The following MOXD1 variants were observed in gnomAD, a reference collection of about 807,000 sequenced individuals.
MOXD1 encodes the protein monooxygenase DBH like 1, also known as DBH-like monooxygenase protein 1.
A neutral mutation model predicts 66.6 loss-of-function variants in MOXD1; 62 were observed. The observed-to-expected ratio is 0.93, with a 90% CI of 0.76 to 1.15. MOXD1 has a LOEUF of 1.15. Among genes scored for constraint, MOXD1 ranks in the 50% most tolerant of loss-of-function variants. The probability of loss-of-function intolerance (pLI) is 0.00; values close to 1 mark genes in which losing one functional copy is unlikely to be tolerated. For synonymous variants in MOXD1, 303 were observed against 281.9 expected (o/e 1.07, Z -0.75); for missense variants, 847 against 754.6 (o/e 1.12, Z -1.44).
chr6:132,298,986 A>G (rs1415241098), intron 10 of MOXD1, among the ~76,000 whole-genome samples: 2 of 152,206 alleles, frequency 1.3e-5, no homozygotes, highest in Non-Finnish European at 1.5e-5. Context: ...TGTTCATCAT[A>G]GCACTATTCA....
intron 4 of MOXD1, among the ~76,000 whole-genome samples, chr6:132,340,535 T>C (rs558514790): frequency 6.7e-6 from 1 of 150,320 alleles, no homozygotes; most frequent in African/African-American, 2.4e-5. Context: ...AAACAAAGCA[T>C]TCCCAAAATA....
intron 9 of MOXD1, among the ~76,000 whole-genome samples, chr6:132,319,189 C>T (rs1775022257): frequency 6.6e-6 from 1 of 151,950 alleles, no homozygotes; most frequent in Admixed American, 6.6e-5. Flanking sequence ...AAAGCTAAAA[C>T]AGCAAAATGT....
At chr6:132,383,785 G>C (rs1237312686) in intron 1 of MOXD1, among the ~76,000 whole-genome samples, 1 of 152,162 alleles carries the variant, frequency 6.6e-6, no homozygotes, top group Non-Finnish European at 1.5e-5. Flanking sequence ...AAATTTGGAT[G>C]ATGGCTGGGT....
intron 4 of MOXD1, among the ~76,000 whole-genome samples, chr6:132,335,903 T>A (rs1775425819): frequency 6.6e-6 from 1 of 152,216 alleles, no homozygotes; most frequent in Non-Finnish European, 1.5e-5. Flanking sequence ...TATTTATAGC[T>A]AAATATATGT....
intron 1 of MOXD1, among the ~76,000 whole-genome samples, chr6:132,399,572 T>C (rs1051865485): frequency 1.3e-5 from 2 of 152,244 alleles, no homozygotes; most frequent in African/African-American, 4.8e-5. Flanking sequence ...TGAATCAGAA[T>C]TCTACTCACG....
Position 132,315,892 on chromosome 6 carries a change from A to T in MOXD1, c.1366-115T>A, listed in dbSNP as rs1045896703. On this transcript the variant is annotated intron_variant, in intron 9 of 11. Coordinates refer to ENST00000367963, the MANE Select transcript of MOXD1 (RefSeq NM_015529.4). ...CCAATATTAAAATTTAATACATCTTAAAGCTGAAAAGTTAAAAAACTGGCT... is the reference window on the plus strand; with the variant it reads ...CCAATATTAAAATTTAATACATCTTTAAGCTGAAAAGTTAAAAAACTGGCT... 68 of 1,076,736 alleles carry T rather than the reference A, an allele frequency of 6.3e-5. No individual in the cohort carries two copies. In the African/African-American group the frequency reaches 1.1e-3, roughly 17 times the overall value. The allele number at this position is 1,076,736 out of a possible 1,614,324, so 66.7% of individuals were successfully genotyped here.
chr6:132,355,731 T>C (rs73779071), intron 4 of MOXD1, among the ~76,000 whole-genome samples: 2,448 of 152,280 alleles, frequency 0.016, 68 homozygotes, highest in African/African-American at 0.056. Context: ...ACATACCTGT[T>C]TGTAGCCCAG....
intron 10 of MOXD1, among the ~76,000 whole-genome samples, chr6:132,309,395 T>G (rs1351693862): frequency 1.3e-5 from 2 of 152,138 alleles, no homozygotes; most frequent in Non-Finnish European, 2.9e-5. Context: ...GGAAAAACAT[T>G]CCATTTTCAT....
Position 132,378,145 on chromosome 6 carries a change from T to A in MOXD1, c.265-3368A>T, listed in dbSNP as rs534553594. On this transcript the variant is annotated intron_variant, in intron 1 of 11. Transcript: ENST00000367963. ...AGAAACTCCATCTCAAAAAAAAAAT[T>A]TTTTTTTCATATTTTCCAACTTTGA... is the stretch of plus-strand genomic sequence containing the variant. Among the ~76,000 whole-genome samples, 184 of 151,898 alleles carry A rather than the reference T, an allele frequency of 1.2e-3. 2 individuals are homozygous for A. The East Asian group carries it at 0.013, about 11-fold the overall frequency.
At chr6:132,319,086 A>T (rs567770153) in intron 9 of MOXD1, among the ~76,000 whole-genome samples, 1 of 151,780 alleles carries the variant, frequency 6.6e-6, no homozygotes, top group Non-Finnish European at 1.5e-5. Flanking sequence ...TATCTAGTAG[A>T]TTGTTTTCTA....
intron 1 of MOXD1, among the ~76,000 whole-genome samples, chr6:132,393,006 A>C (rs1776799167): frequency 6.6e-6 from 1 of 152,186 alleles, no homozygotes; most frequent in Non-Finnish European, 1.5e-5. Flanking sequence ...GTCTCATTGG[A>C]TCTAACCCTG....
At chr6:132,389,703 C>A (rs987717983) in intron 1 of MOXD1, among the ~76,000 whole-genome samples, 1 of 151,284 alleles carries the variant, frequency 6.6e-6, no homozygotes, top group African/African-American at 2.4e-5. Flanking sequence ...ATTAACTTGG[C>A]CTGCTCATGA....
intron 10 of MOXD1, among the ~76,000 whole-genome samples, chr6:132,304,805 A>G (rs1297114687): frequency 2.0e-5 from 3 of 152,212 alleles, no homozygotes; most frequent in African/African-American, 7.2e-5. Flanking sequence ...AAATATCACT[A>G]GATACACATT....
At chr6:132,348,284 A>G (rs1775706286) in intron 4 of MOXD1, among the ~76,000 whole-genome samples, 1 of 152,224 alleles carries the variant, frequency 6.6e-6, no homozygotes, top group African/African-American at 2.4e-5. Flanking sequence ...ATAATGTAAC[A>G]TCATTCATAT....
At chr6:132,388,493 C>T (rs1482994683) in intron 1 of MOXD1, among the ~76,000 whole-genome samples, 5 of 151,342 alleles carry the variant, frequency 3.3e-5, no homozygotes, top group Non-Finnish European at 7.4e-5. Context: ...TTGACACAGT[C>T]ATCAACTTGC....
intron 10 of MOXD1, 44 bp from the exon 11 acceptor site, chr6:132,297,999 T>A: frequency 2.0e-6 from 3 of 1,519,812 alleles, no homozygotes; most frequent in Non-Finnish European, 2.7e-6. Flanking sequence ...AACAAATGCA[T>A]TACATGTTTC....
In MOXD1 at chr6:132,322,951, G is replaced by A. The variant is rs541755958; in HGVS notation, c.1114-81C>T. Reference sequence around the variant, plus strand: ...GTTTACATTCAAACACACTTGGAGGGACAACTGAGATAAAAAGCTAAAGCA... The same window carrying A: ...GTTTACATTCAAACACACTTGGAGGAACAACTGAGATAAAAAGCTAAAGCA... On this transcript the variant is annotated intron_variant, in intron 7 of 11. Transcript: ENST00000367963. 10 of 1,200,540 alleles carry A rather than the reference G, an allele frequency of 8.3e-6. No individual in the cohort carries two copies. The South Asian group carries it at 8.6e-5, about 10-fold the overall frequency. 74.4% of individuals were successfully genotyped at this position (1,200,540 alleles called of 1,614,324 possible).
At chr6:132,385,497 T>TATTATC (rs1776611175) in intron 1 of MOXD1, among the ~76,000 whole-genome samples, 1 of 134,226 alleles carries the variant, frequency 7.5e-6, no homozygotes, top group South Asian at 2.4e-4. Context: ...TTATTATTAT[T>TATTATC]ATTAGAGACA....
At chr6:132,400,891 G>A (rs942190360) in intron 1 of MOXD1, among the ~76,000 whole-genome samples, 15 of 152,042 alleles carry the variant, frequency 9.9e-5, no homozygotes, top group African/African-American at 3.4e-4. Context: ...GCGGGGGGGC[G>A]TCTATTAAGT....
Sources: allele counts gnomAD v4.1 joint callset (sites outside exome capture counted in the v4.1 genomes callset), GRCh38; gene constraint gnomAD v4.1.1; transcripts MANE v1.5; gene names NCBI Gene and HGNC (gene_info 2026-07-23, HGNC 2026-07-21).